Variants in FBXL13 observed in about 807,000 individuals in gnomAD.
The protein encoded by FBXL13 is F-box and leucine rich repeat protein 13.
In FBXL13, 67 loss-of-function variants were observed where a neutral mutation model predicts 83.6. The ratio of observed to expected loss-of-function variants is 0.80; its 90% CI spans 0.66 to 0.98. The LOEUF (loss-of-function observed/expected upper bound fraction) is 0.98. FBXL13 is among the 50% of genes least tolerant of loss of function. FBXL13 has a pLI of 0.00. For synonymous variants in FBXL13, 272 were observed against 299.5 expected (o/e 0.91, Z 0.95); for missense variants, 822 against 866.5 (o/e 0.95, Z 0.64).
intron 19 of FBXL13, among the ~76,000 whole-genome samples, chr7:102,818,212 G>A (rs1345262058): frequency 1.3e-5 from 2 of 152,202 alleles, no homozygotes; most frequent in African/African-American, 2.4e-5. Context: ...AACAGAGCAC[G>A]TGTCTACCCT....
chr7:103,027,583 G>A, intron 4 of FBXL13, 25 bp from the exon 6 acceptor site: 1 of 1,437,666 alleles, frequency 7.0e-7, no homozygotes, highest in Non-Finnish European at 9.7e-7. Flanking sequence ...CTAGATTACT[G>A]TATATATTAA....
chr7:103,064,740 T>C (rs771655990), intron 1 of FBXL13, among the ~76,000 whole-genome samples: 58 of 152,346 alleles, frequency 3.8e-4, no homozygotes, highest in Non-Finnish European at 6.8e-4. Flanking sequence ...GAAAATAATG[T>C]TGACTTCCAA....
chr7:103,068,116 C>G (rs1798567468), intron 1 of FBXL13, among the ~76,000 whole-genome samples: 1 of 152,080 alleles, frequency 6.6e-6, no homozygotes, highest in South Asian at 2.1e-4. Context: ...ACGGTGAAAG[C>G]AAAGATAACT....
chr7:103,052,056 T>C (rs537466070), intron 2 of FBXL13, among the ~76,000 whole-genome samples: 11 of 152,354 alleles, frequency 7.2e-5, no homozygotes, highest in Non-Finnish European at 1.5e-4. Flanking sequence ...CAGTCCTCAC[T>C]GTGCAGAACT....
intron 2 of FBXL13, among the ~76,000 whole-genome samples, chr7:103,033,805 G>C (rs767227471): frequency 2.6e-5 from 4 of 152,068 alleles, no homozygotes; most frequent in East Asian, 3.9e-4. Flanking sequence ...ATGCTGGCTC[G>C]GGCAGCCTGC....
In FBXL13 at chr7:102,891,394, G is replaced by C. The variant is rs570001670; in HGVS notation, c.1009-7082C>G. Reference sequence around the variant, plus strand: ...AAAGCCTGTGGTCTACACTCTCCCTGCATTTTATATCCTCTGCCTTATATG... The same window carrying C: ...AAAGCCTGTGGTCTACACTCTCCCTCCATTTTATATCCTCTGCCTTATATG... On this transcript the variant is annotated intron_variant, in intron 11 of 19. Transcript: ENST00000313221. 2.0e-3 allele frequency among the ~76,000 whole-genome samples: 312 copies of C among 152,240 alleles called. 1 individual carries two copies. The highest frequency in any genetic ancestry group is 3.8e-3 in the Non-Finnish European group (256 of 68,012).
intron 1 of FBXL13, among the ~76,000 whole-genome samples, chr7:103,059,308 T>C (rs1292371835): frequency 6.6e-6 from 1 of 151,744 alleles, no homozygotes; most frequent in Non-Finnish European, 1.5e-5. Flanking sequence ...GAAATCTCAC[T>C]GTTTGTCTTT....
intron 11 of FBXL13, among the ~76,000 whole-genome samples, chr7:102,889,476 T>C (rs563457316): frequency 4.6e-5 from 7 of 152,178 alleles, no homozygotes; most frequent in South Asian, 2.1e-4. Context: ...GTTTGTTAAA[T>C]AGGTATACAT....
At chr7:102,936,353 G>A (rs1820308910) in intron 8 of FBXL13, 1 of 152,204 alleles carries the variant, frequency 6.6e-6, no homozygotes, top group African/African-American at 2.4e-5. Flanking sequence ...GTGAATCTTG[G>A]TCTATCTGAG....
chr7:102,972,285 G>C (rs1208684589), intron 6 of FBXL13, among the ~76,000 whole-genome samples: 1 of 152,140 alleles, frequency 6.6e-6, no homozygotes, highest in Non-Finnish European at 1.5e-5. Context: ...TCTAACACCA[G>C]AGAGAGTAAT....
intron 6 of FBXL13, among the ~76,000 whole-genome samples, chr7:102,970,669 G>A (rs1826540535): frequency 6.6e-6 from 1 of 152,140 alleles, no homozygotes; most frequent in Non-Finnish European, 1.5e-5. Flanking sequence ...AGATTCAAAA[G>A]AAACCTTTAA....
chr7:103,063,609 C>T (rs1368857488), intron 1 of FBXL13, among the ~76,000 whole-genome samples: 2 of 151,870 alleles, frequency 1.3e-5, no homozygotes, highest in Admixed American at 6.6e-5. Context: ...CCCTCTATCA[C>T]ATCCATCTGG....
chr7:103,040,652 T>C (rs922834386), intron 2 of FBXL13, among the ~76,000 whole-genome samples: 1 of 152,080 alleles, frequency 6.6e-6, no homozygotes, highest in Non-Finnish European at 1.5e-5. Flanking sequence ...ATCAAATTAG[T>C]ACTCAGGATT....
intron 16 of FBXL13, among the ~76,000 whole-genome samples, chr7:102,873,506 G>A (rs941980016): frequency 8.5e-5 from 13 of 152,146 alleles, no homozygotes; most frequent in African/African-American, 2.9e-4. Context: ...TAACACAGGC[G>A]TTCATAACTT....
intron 16 of FBXL13, among the ~76,000 whole-genome samples, chr7:102,867,668 CATATATATATATAT>C (rs200661242): frequency 2.8e-5 from 2 of 72,648 alleles, no homozygotes; most frequent in African/African-American, 9.1e-5. Flanking sequence ...TAGACTTAGA[CATATATATATATAT>C]ATATATATAT....
At chr7:103,003,386 C>T (rs1192685677) in intron 6 of FBXL13, among the ~76,000 whole-genome samples, 1 of 142,056 alleles carries the variant, frequency 7.0e-6, no homozygotes, top group African/African-American at 2.6e-5. Flanking sequence ...CTCCTGGGTT[C>T]AAGCAATTCT....
intron 6 of FBXL13, among the ~76,000 whole-genome samples, chr7:102,990,707 A>C (rs757091282): frequency 3.9e-5 from 6 of 152,188 alleles, no homozygotes; most frequent in Non-Finnish European, 1.5e-5. Context: ...AAGAGATGAC[A>C]TCTGAGCTGA....
intron 16 of FBXL13, among the ~76,000 whole-genome samples, chr7:102,861,951 C>A (rs1806905393): frequency 7.0e-6 from 1 of 143,360 alleles, no homozygotes; most frequent in South Asian, 2.2e-4. Flanking sequence ...CACTGCACTC[C>A]AGCCTGGATG....
intron 15 of FBXL13, 135 bp downstream of exon 16, chr7:102,878,196 G>T: frequency 1.6e-6 from 1 of 629,330 alleles, no homozygotes. Context: ...TGGTTTCACT[G>T]AACATTTAAC....
Sources: allele counts gnomAD v4.1 joint callset (sites outside exome capture counted in the v4.1 genomes callset), GRCh38; gene constraint gnomAD v4.1.1; transcripts MANE v1.5; gene names NCBI Gene and HGNC (gene_info 2026-07-23, HGNC 2026-07-21).